ARHGAP22: variants seen among roughly 807,000 people sequenced by gnomAD.
ARHGAP22 encodes Rho GTPase activating protein 22.
A neutral mutation model predicts 59.1 loss-of-function variants in ARHGAP22; 48 were observed. That is an observed-to-expected ratio of 0.81 (90% CI 0.64 to 1.03). The LOEUF (loss-of-function observed/expected upper bound fraction) is 1.03, where lower values mean the gene tolerates loss of function less well. Among genes scored for constraint, ARHGAP22 ranks in the 50% least tolerant of loss-of-function variants. ARHGAP22 has a pLI of 0.00. For synonymous variants in ARHGAP22, 445 were observed against 416.4 expected, an observed-to-expected ratio of 1.07 and a Z score of -0.84; for missense variants, 1,015 against 958.7, an observed-to-expected ratio of 1.06 and a Z score of -0.78.
chr10:48,497,315 G>A (rs2051039814), intron 3 of ARHGAP22, among the ~76,000 whole-genome samples: 1 of 152,208 alleles, frequency 6.6e-6, no homozygotes, highest in South Asian at 2.1e-4. Flanking sequence ...CCTTGGCATG[G>A]GTGAAGAGTA....
intron 4 of ARHGAP22, among the ~76,000 whole-genome samples, chr10:48,464,201 G>A (rs116987484): frequency 0.015 from 2,283 of 152,164 alleles, 26 homozygotes; most frequent in Middle Eastern, 0.024. Context: ...CACACACATC[G>A]TCCTCAGGAT....
downstream of ARHGAP22, among the ~76,000 whole-genome samples, chr10:48,443,052 A>C (rs1437345647): frequency 3.3e-5 from 5 of 152,090 alleles, no homozygotes; most frequent in African/African-American, 1.2e-4. Context: ...GAGAAGCTTT[A>C]TGGGAATAAA....
intron 1 of ARHGAP22, among the ~76,000 whole-genome samples, chr10:48,587,505 C>T (rs1369015281): frequency 2.0e-5 from 3 of 151,946 alleles, no homozygotes; most frequent in Non-Finnish European, 4.4e-5. Context: ...AAGTGAGATT[C>T]CTACCATGAG....
At chr10:48,581,433 A>T (rs1446888750) in intron 2 of ARHGAP22, among the ~76,000 whole-genome samples, 1 of 152,250 alleles carries the variant, frequency 6.6e-6, no homozygotes, top group East Asian at 1.9e-4. Flanking sequence ...CACAGCTAGC[A>T]TGCTAGGTCT....
rs769460045 is a variant in ARHGAP22 at position 48,604,834 on chromosome 10, C to T, written c.-38G>A. The T allele has an allele frequency of 2.5e-6, 4 of 1,614,092 alleles. No individual in the cohort carries two copies. The East Asian group carries it at 8.9e-5, about 36-fold the overall frequency. ...GTCCGGCCAGCCCCGCAGGGCCGTT[C>T]ATGCTGTCATCCACTTGCTTTTGCT... On this transcript the variant is annotated 5_prime_UTR_variant, in exon 1 of 10. It removes an upstream start codon present in the reference 5' UTR. Transcript: ENST00000249601.
intron 1 of ARHGAP22, among the ~76,000 whole-genome samples, chr10:48,612,566 C>G (rs2060935936): frequency 6.6e-6 from 1 of 152,238 alleles, no homozygotes. Flanking sequence ...CCTCCCCAGG[C>G]TCTTCCTGCA....
chr10:48,582,854 T>C, intron 2 of ARHGAP22, 99 bp downstream of exon 2: 1 of 1,357,048 alleles, frequency 7.4e-7, no homozygotes, highest in Non-Finnish European at 1.0e-6. Flanking sequence ...TGTGATGGAG[T>C]CAGTGGCTCT....
chr10:48,523,691 G>A (rs541390930), intron 3 of ARHGAP22, among the ~76,000 whole-genome samples: 5 of 152,102 alleles, frequency 3.3e-5, no homozygotes, highest in Admixed American at 6.5e-5. Context: ...TCTGGGCGCC[G>A]GGGGTTCCTC....
intron 3 of ARHGAP22, among the ~76,000 whole-genome samples, chr10:48,535,195 C>T (rs1245652354): frequency 6.6e-6 from 1 of 152,212 alleles, no homozygotes; most frequent in African/African-American, 2.4e-5. Flanking sequence ...ATGTTGATAA[C>T]CTCCTTTTAC....
intron 1 of ARHGAP22, among the ~76,000 whole-genome samples, chr10:48,593,015 G>T: frequency 6.6e-6 from 1 of 152,302 alleles, no homozygotes. Context: ...CGGCCTCTCG[G>T]CCTCCTTTAT....
intron 1 of ARHGAP22, among the ~76,000 whole-genome samples, chr10:48,588,574 G>A (rs367762614): frequency 6.6e-6 from 1 of 152,260 alleles, no homozygotes; most frequent in East Asian, 1.9e-4. Context: ...GGGTCCCCAG[G>A]AGCAGGCCCA....
chr10:48,595,193 C>A (rs973869226), intron 1 of ARHGAP22, among the ~76,000 whole-genome samples: 37 of 152,316 alleles, frequency 2.4e-4, no homozygotes, highest in Non-Finnish European at 5.9e-5. Flanking sequence ...AGAGCTAAAA[C>A]ACAATTGATT....
rs373113130 is a variant in ARHGAP22, at chr10:48,446,496, C to T, written c.1992G>A (p.Glu664=). The change falls in exon 10 of 10, where the codon GAG becomes GAA. Residue 664 remains glutamate, a synonymous_variant. Transcript: ENST00000249601. ...ACAGCTGGTTCCTCCTCTCCGCATCCTCCCGCGCCCGTTCAGAGTTCCGCA... is the reference window on the plus strand; with the variant it reads ...ACAGCTGGTTCCTCCTCTCCGCATCTTCCCGCGCCCGTTCAGAGTTCCGCA... ...IKLRNSERAR[E]DAERRNQLLQ... 1.6e-4 allele frequency: 253 copies of T among 1,614,124 alleles called. No homozygotes were observed. Among genetic ancestry groups the T allele is most frequent in the Non-Finnish European group, 2.0e-4 (231 of 1,180,054 alleles).
At chr10:48,583,935 A>G (rs767689647) in intron 1 of ARHGAP22, among the ~76,000 whole-genome samples, 1 of 152,046 alleles carries the variant, frequency 6.6e-6, no homozygotes, top group Admixed American at 6.5e-5. Context: ...GCCACACCCC[A>G]CCGAGGTTGG....
intron 1 of ARHGAP22, among the ~76,000 whole-genome samples, chr10:48,617,890 T>C (rs1171580550): frequency 2.0e-5 from 3 of 151,452 alleles, no homozygotes; most frequent in African/African-American, 7.3e-5. Context: ...ATCAACAAAA[T>C]GAAAAGTTGG....
intron 3 of ARHGAP22, among the ~76,000 whole-genome samples, chr10:48,539,235 T>C (rs77621830): frequency 6.6e-6 from 1 of 151,960 alleles, no homozygotes; most frequent in Non-Finnish European, 1.5e-5. Flanking sequence ...AGTTCATTAC[T>C]TTTGAATAAT....
intron 1 of ARHGAP22, among the ~76,000 whole-genome samples, chr10:48,624,688 G>T (rs1053990131): frequency 6.6e-6 from 1 of 152,160 alleles, no homozygotes; most frequent in Non-Finnish European, 1.5e-5. Flanking sequence ...AACATGATTG[G>T]GTTAACCAGA....
chr10:48,454,228 G>T, intron 6 of ARHGAP22, 67 bp from the exon 7 acceptor site: 1 of 1,419,402 alleles, frequency 7.0e-7, no homozygotes, highest in Non-Finnish European at 1.0e-6. Flanking sequence ...TGACTGCGAG[G>T]AGGGGTGGGC....
chr10:48,535,587 C>T (rs184097880), intron 3 of ARHGAP22, among the ~76,000 whole-genome samples: 140 of 152,280 alleles, frequency 9.2e-4, no homozygotes, highest in African/African-American at 3.1e-3. Flanking sequence ...GGATGGGAGG[C>T]GGAGTCAATC....
Sources: allele counts gnomAD v4.1 joint callset (sites outside exome capture counted in the v4.1 genomes callset), GRCh38; gene constraint gnomAD v4.1.1; transcripts MANE v1.5; gene names NCBI Gene and HGNC (gene_info 2026-07-23, HGNC 2026-07-21).